The following TMEM132B variants were observed in gnomAD, a reference collection of about 807,000 sequenced individuals.
TMEM132B encodes the protein transmembrane protein 132B.
Under a neutral mutation model 90.8 loss-of-function variants are expected in TMEM132B, and 18 were observed. The observed-to-expected ratio is 0.20, with a 90% confidence interval of 0.14 to 0.29. The LOEUF (loss-of-function observed/expected upper bound fraction) is 0.29. TMEM132B is among the 10% of genes least tolerant of loss of function. The pLI is 1.00. For synonymous variants in TMEM132B, 504 were observed against 523.3 expected (o/e 0.96, Z 0.50); for missense variants, 1,096 against 1,326.8 (o/e 0.83, Z 2.70).
intron 1 of TMEM132B, among the ~76,000 whole-genome samples, chr12:125,199,693 A>G (rs933141281): frequency 2.6e-5 from 4 of 152,206 alleles, no homozygotes; most frequent in African/African-American, 9.6e-5. Context: ...TGAAGTACTT[A>G]TGGACTCTCC....
At chr12:125,613,896 G>T (rs1427303373) in intron 5 of TMEM132B, among the ~76,000 whole-genome samples, 3 of 151,918 alleles carry the variant, frequency 2.0e-5, no homozygotes, top group African/African-American at 7.2e-5. Flanking sequence ...GTGAATCAAA[G>T]TTTCCATTTG....
At chr12:125,331,128 G>T (rs1266664137) in intron 1 of TMEM132B, among the ~76,000 whole-genome samples, 1 of 152,214 alleles carries the variant, frequency 6.6e-6, no homozygotes, top group African/African-American at 2.4e-5. Flanking sequence ...GGGGTCTGCG[G>T]AGGAGGGAGC....
At chr12:125,296,238 C>T (rs1240477599) in intron 1 of TMEM132B, among the ~76,000 whole-genome samples, 1 of 152,250 alleles carries the variant, frequency 6.6e-6, no homozygotes, top group Non-Finnish European at 1.5e-5. Context: ...TCTGCCTATG[C>T]CCTGCTCTGG....
chr12:125,360,821 C>T (rs1331787054), intron 2 of TMEM132B, among the ~76,000 whole-genome samples: 1 of 151,412 alleles, frequency 6.6e-6, no homozygotes, highest in Non-Finnish European at 1.5e-5. Flanking sequence ...ATCTGGTATG[C>T]CTAGGAAGCT....
chr12:125,366,833 C>A (rs1035410238), intron 2 of TMEM132B, among the ~76,000 whole-genome samples: 4 of 152,110 alleles, frequency 2.6e-5, no homozygotes, highest in South Asian at 2.1e-4. Context: ...ATCTAACAGG[C>A]CTCTGAGTCT....
At chr12:125,234,404 A>T (rs1873886946) in intron 1 of TMEM132B, among the ~76,000 whole-genome samples, 1 of 152,064 alleles carries the variant, frequency 6.6e-6, no homozygotes, top group African/African-American at 2.4e-5. Flanking sequence ...GGTTTTCCCC[A>T]TCACCTCCCG....
intron 2 of TMEM132B, among the ~76,000 whole-genome samples, chr12:125,365,364 T>C (rs540275056): frequency 6.6e-6 from 1 of 152,102 alleles, no homozygotes. Flanking sequence ...TATAATTACA[T>C]AGATATATGT....
At chr12:125,297,462 A>G (rs942160375) in intron 1 of TMEM132B, among the ~76,000 whole-genome samples, 1 of 152,138 alleles carries the variant, frequency 6.6e-6, no homozygotes, top group Non-Finnish European at 1.5e-5. Context: ...AACACCATCC[A>G]TCCTCCAAGT....
At chr12:125,260,040 C>G (rs1468353544) in intron 1 of TMEM132B, among the ~76,000 whole-genome samples, 1 of 152,110 alleles carries the variant, frequency 6.6e-6, no homozygotes, top group Non-Finnish European at 1.5e-5. Context: ...CCCATGGATG[C>G]AAGCTAACTT....
intron 3 of TMEM132B, among the ~76,000 whole-genome samples, chr12:125,457,968 A>T (rs555612557): frequency 6.6e-6 from 1 of 152,144 alleles, no homozygotes; most frequent in Non-Finnish European, 1.5e-5. Flanking sequence ...TGTGGTCACA[A>T]TGTGGGGTAA....
chr12:125,463,253 C>T (rs1413460064), intron 3 of TMEM132B, among the ~76,000 whole-genome samples: 1 of 152,088 alleles, frequency 6.6e-6, no homozygotes, highest in East Asian at 1.9e-4. Flanking sequence ...TATTCATAGT[C>T]CTCTGTTAGC....
intron 2 of TMEM132B, among the ~76,000 whole-genome samples, chr12:125,376,614 C>T (rs1249626705): frequency 6.6e-6 from 1 of 152,210 alleles, no homozygotes; most frequent in Non-Finnish European, 1.5e-5. Flanking sequence ...GCACCACTTC[C>T]CCACTTCCTG....
chr12:125,366,545 A>C (rs756090937), intron 2 of TMEM132B, among the ~76,000 whole-genome samples: 12 of 152,218 alleles, frequency 7.9e-5, no homozygotes, highest in Non-Finnish European at 1.2e-4. Flanking sequence ...TTAATGAATC[A>C]GTCACCTGTA....
At chr12:125,422,958 C>G (rs1414898164) in intron 3 of TMEM132B, among the ~76,000 whole-genome samples, 1 of 152,160 alleles carries the variant, frequency 6.6e-6, no homozygotes, top group Admixed American at 6.5e-5. Context: ...AGACCAGGGG[C>G]GTAAAGAATA....
At chr12:125,274,012 C>T (rs1369645411) in intron 1 of TMEM132B, among the ~76,000 whole-genome samples, 11 of 152,176 alleles carry the variant, frequency 7.2e-5, no homozygotes, top group Non-Finnish European at 1.6e-4. Flanking sequence ...GTCTCATTCC[C>T]TCTCCCCTCA....
At chr12:125,488,947 C>T (rs1882279424) in intron 3 of TMEM132B, among the ~76,000 whole-genome samples, 1 of 152,176 alleles carries the variant, frequency 6.6e-6, no homozygotes, top group Non-Finnish European at 1.5e-5. Context: ...AAATTCTAGC[C>T]TATTTTAAAG....
intron 1 of TMEM132B, among the ~76,000 whole-genome samples, chr12:125,269,408 G>C (rs759718515): frequency 4.6e-5 from 7 of 152,184 alleles, no homozygotes; most frequent in Non-Finnish European, 8.8e-5. Context: ...TGGCAGAGGT[G>C]CTGTTTAAAT....
intron 1 of TMEM132B, among the ~76,000 whole-genome samples, chr12:125,241,613 A>G (rs1403763590): frequency 6.6e-6 from 1 of 152,168 alleles, no homozygotes; most frequent in African/African-American, 2.4e-5. Context: ...GAGCCTTCAG[A>G]GGAAGCATGG....
intron 3 of TMEM132B, among the ~76,000 whole-genome samples, chr12:125,486,883 G>T (rs1034110868): frequency 6.6e-6 from 1 of 152,228 alleles, no homozygotes; most frequent in Non-Finnish European, 1.5e-5. Flanking sequence ...CTTAGCTGAA[G>T]TTAAGGAGAT....
Sources: gnomAD v4.1 joint callset for allele counts (sites outside exome capture counted in the v4.1 genomes callset) on GRCh38, gnomAD v4.1.1 for gene constraint, MANE v1.5 for transcripts, NCBI Gene and HGNC (gene_info 2026-07-23, HGNC 2026-07-21) for gene names.